The following GNAL variants were observed in gnomAD, a reference collection of about 807,000 sequenced individuals.
The protein encoded by GNAL is G protein subunit alpha L.
Under a neutral mutation model 55.1 loss-of-function variants are expected in GNAL, and 18 were observed. The ratio of observed to expected loss-of-function variants is 0.33; its 90% CI spans 0.23 to 0.48. GNAL has a LOEUF of 0.48. Among genes scored for constraint, GNAL ranks in the 20% least tolerant of loss-of-function variants. The pLI is 0.99. For synonymous variants in GNAL, 253 were observed against 237.0 expected (o/e 1.07, Z -0.62); for missense variants, 412 against 614.1 (o/e 0.67, Z 3.48).
chr18:11,785,314 C>T (rs1259164579), intron 4 of GNAL, among the ~76,000 whole-genome samples: 1 of 152,186 alleles, frequency 6.6e-6, no homozygotes, highest in Non-Finnish European at 1.5e-5. Context: ...TAGGGAATCC[C>T]TGGAAATGTG....
intron 1 of GNAL, among the ~76,000 whole-genome samples, chr18:11,702,751 C>T (rs2031603010): frequency 6.6e-6 from 1 of 151,500 alleles, no homozygotes; most frequent in African/African-American, 2.4e-5. Context: ...GTGGGAGCAG[C>T]TCTTGCCCCA....
At chr18:11,768,953 T>A (rs1356721589) in intron 4 of GNAL, among the ~76,000 whole-genome samples, 1 of 117,404 alleles carries the variant, frequency 8.5e-6, no homozygotes, top group African/African-American at 3.4e-5. Context: ...TATTACTATA[T>A]GTTATATATA....
At chr18:11,759,566 G>A (rs959431148) in intron 4 of GNAL, among the ~76,000 whole-genome samples, 3 of 152,236 alleles carry the variant, frequency 2.0e-5, no homozygotes, top group Non-Finnish European at 2.9e-5. Context: ...TGTGGCTAAC[G>A]TCTGAGTGTT....
chr18:11,771,352 T>C (rs541684138), intron 4 of GNAL, among the ~76,000 whole-genome samples: 2 of 152,326 alleles, frequency 1.3e-5, no homozygotes, highest in South Asian at 4.1e-4. Context: ...AATGTTAACA[T>C]TAACTAATTG....
chr18:11,752,191 T>C lies in GNAL; in HGVS notation c.377-662T>C. On this transcript the variant is annotated intron_variant, in intron 1 of 11. Transcript: ENST00000334049. The surrounding 1 kb of genome is among the most constrained non-coding windows in gnomAD (Gnocchi z 4.5). ...TTCATCCAGCAGATTTTGAAACAAT[T>C]CTCGTGTAAAAAGGCATTTTACTCC... is the stretch of plus-strand genomic sequence containing the variant. 1 of 559,234 alleles carries C rather than the reference T, an allele frequency of 1.8e-6. No homozygotes were observed. The highest frequency in any genetic ancestry group is 2.8e-6 in the Non-Finnish European group (1 of 363,474). 34.6% of individuals were successfully genotyped at this position (559,234 alleles called of 1,614,324 possible).
intron 5 of GNAL, among the ~76,000 whole-genome samples, chr18:11,859,848 C>T (rs1041526431): frequency 1.4e-4 from 21 of 151,816 alleles, no homozygotes; most frequent in Non-Finnish European, 2.4e-4. Context: ...CGGGTTCAAG[C>T]GATTCTCCTG....
intron 11 of GNAL, among the ~76,000 whole-genome samples, chr18:11,878,098 G>A (rs774353694): frequency 3.3e-5 from 5 of 152,196 alleles, no homozygotes; most frequent in Non-Finnish European, 7.3e-5. Context: ...AGAAAATGCT[G>A]TTCTAATGAG....
chr18:11,845,937 A>G (rs893992477), intron 5 of GNAL, among the ~76,000 whole-genome samples: 7 of 151,798 alleles, frequency 4.6e-5, no homozygotes, highest in South Asian at 2.1e-4. Context: ...TAAATAATAC[A>G]TTTTTTTCTC....
chr18:11,692,646 G>GT (rs2031286481), intron 1 of GNAL, among the ~76,000 whole-genome samples: 1 of 151,988 alleles, frequency 6.6e-6, no homozygotes, highest in Non-Finnish European at 1.5e-5. Flanking sequence ...AGACACAGCG[G>GT]TGGCTCACGC....
chr18:11,724,326 C>T (rs1268976770), intron 1 of GNAL, among the ~76,000 whole-genome samples: 1 of 152,180 alleles, frequency 6.6e-6, no homozygotes, highest in African/African-American at 2.4e-5. Context: ...TATGTATTCA[C>T]TTCCTAGGAC....
rs1039335482 is a variant in GNAL, at chr18:11,769,174, TATA to T, written c.624+15233_624+15235del. Among the ~76,000 whole-genome samples the T allele has an allele frequency of 1.1e-4, 12 of 106,606 alleles. 1 individual carries two copies. The highest frequency in any genetic ancestry group is 3.4e-4 in the African/African-American group (10 of 29,654). 69.9% of individuals were successfully genotyped at this position (106,606 alleles called of 152,430 possible). On this transcript the variant is annotated intron_variant, in intron 4 of 11. Coordinates refer to ENST00000334049, the MANE Select transcript of GNAL (RefSeq NM_182978.4). ...TATATAAATTATATGTAATATATAT[TATA>T]ATATAGATTATATAAATTATATATA... is the stretch of plus-strand genomic sequence containing the variant.
rs8098395 is a variant in GNAL, at chr18:11,720,268, T to G, written c.376+30329T>G. ...TTACATAAGAGGAGAGAAAACAAATTTCCACCAAATTTTTATTAATGAAAT... is the reference window on the plus strand; with the variant it reads ...TTACATAAGAGGAGAGAAAACAAATGTCCACCAAATTTTTATTAATGAAAT... On this transcript the variant is annotated intron_variant, in intron 1 of 11. Transcript: ENST00000334049. Among the ~76,000 whole-genome samples, 831 of 152,306 alleles carry G rather than the reference T, an allele frequency of 5.5e-3. 5 individuals carry two copies. Among genetic ancestry groups the G allele is most frequent in the African/African-American group, 0.019 (774 of 41,554 alleles).
intron 5 of GNAL, among the ~76,000 whole-genome samples, chr18:11,844,824 AT>A (rs2143751168): frequency 6.6e-6 from 1 of 152,264 alleles, no homozygotes; most frequent in African/African-American, 2.4e-5. Flanking sequence ...CAATTTGTAC[AT>A]TCGCCATTTT....
At chr18:11,727,194 CT>C (rs769630139) in intron 1 of GNAL, among the ~76,000 whole-genome samples, 50 of 152,300 alleles carry the variant, frequency 3.3e-4, no homozygotes, top group Non-Finnish European at 6.3e-4. Context: ...CTTCCCTAGG[CT>C]CAGCAGCTTC....
intron 1 of GNAL, among the ~76,000 whole-genome samples, chr18:11,693,441 A>G (rs1199893345): frequency 6.6e-6 from 1 of 152,234 alleles, no homozygotes; most frequent in Non-Finnish European, 1.5e-5. Context: ...ACTAAAACGC[A>G]TACTGTTACA....
At position 11,865,423 on chromosome 18, in the gene GNAL, C is replaced by T. The variant is rs62097394; in HGVS notation, c.851+817C>T. On this transcript the variant is annotated intron_variant, in intron 7 of 11. Coordinates refer to ENST00000334049, the MANE Select transcript of GNAL (RefSeq NM_182978.4). ...ATCTTGTCCTCTGAGCCTCAGATGC[C>T]ACCTGTGCTAAGCAAACCCCACAAA... 5.6e-3 allele frequency among the ~76,000 whole-genome samples: 841 copies of T among 149,186 alleles called. 17 individuals carry two copies. The highest frequency in any genetic ancestry group is 7.8e-3 in the Non-Finnish European group (529 of 67,982).
chr18:11,819,813 T>A (rs1217231557), intron 4 of GNAL, among the ~76,000 whole-genome samples: 1 of 152,150 alleles, frequency 6.6e-6, no homozygotes, highest in Non-Finnish European at 1.5e-5. Flanking sequence ...CGTTGTTTTT[T>A]AAAATGTATG....
intron 1 of GNAL, among the ~76,000 whole-genome samples, chr18:11,722,016 TC>T (rs2032105975): frequency 1.3e-5 from 2 of 152,146 alleles, no homozygotes. Flanking sequence ...CAGCATTGAC[TC>T]CTTGAATAAA....
At chr18:11,759,718 C>T (rs374467573) in intron 4 of GNAL, among the ~76,000 whole-genome samples, 2 of 152,250 alleles carry the variant, frequency 1.3e-5, no homozygotes, top group Admixed American at 6.5e-5. Flanking sequence ...GTGCCCAGCC[C>T]AGGGAGTGCC....
Sources: allele counts gnomAD v4.1 joint callset (sites outside exome capture counted in the v4.1 genomes callset), GRCh38; gene constraint gnomAD v4.1.1; non-coding constraint Gnocchi (gnomAD v3.1); transcripts MANE v1.5; gene names NCBI Gene and HGNC (gene_info 2026-07-23, HGNC 2026-07-21).